MAPK6: variants seen among roughly 807,000 people sequenced by gnomAD.
The protein encoded by MAPK6 is ERK-3.
A neutral mutation model predicts 59.3 loss-of-function variants in MAPK6; 19 were observed. That is an observed-to-expected ratio of 0.32 (90% CI 0.22 to 0.47). The LOEUF (loss-of-function observed/expected upper bound fraction) is 0.47, where lower values mean the gene tolerates loss of function less well. MAPK6 is among the 20% of genes least tolerant of loss of function. MAPK6 has a pLI of 1.00. For missense variants in MAPK6, 724 were observed against 847.9 expected (o/e 0.85, Z 1.81); for synonymous variants, 316 against 290.3 (o/e 1.09, Z -0.90).
intron 3 of MAPK6, among the ~76,000 whole-genome samples, chr15:52,051,925 G>A (rs1344761229): frequency 1.3e-5 from 2 of 151,950 alleles, no homozygotes; most frequent in Non-Finnish European, 1.5e-5. Flanking sequence ...ATTGGAATTC[G>A]GAGGGATTCC....
intron 2 of MAPK6, among the ~76,000 whole-genome samples, chr15:51,991,148 T>TACACACACACAC (rs933912695): frequency 1.2e-4 from 17 of 140,638 alleles, no homozygotes; most frequent in Admixed American, 5.1e-4. Context: ...TATATATATA[T>TACACACACACAC]ACACACACAC....
intron 1 of MAPK6, among the ~76,000 whole-genome samples, chr15:52,032,194 T>A (rs2031064740): frequency 7.0e-6 from 1 of 143,612 alleles, no homozygotes; most frequent in South Asian, 2.3e-4. Flanking sequence ...TAATTTTTTT[T>A]TTTTTTTTTT....
chr15:52,010,514 CTT>C (rs762352581), intron 3 of MAPK6, among the ~76,000 whole-genome samples: 11 of 91,862 alleles, frequency 1.2e-4, no homozygotes, highest in African/African-American at 2.6e-4. Context: ...TGCACCCAGC[CTT>C]TTTTTTTTTT....
Position 52,063,670 on chromosome 15 carries a change from T to C in MAPK6, c.1068-232T>C, listed in dbSNP as rs187018470. On this transcript the variant is annotated intron_variant, in intron 5 of 5. Coordinates refer to ENST00000261845, the MANE Select transcript of MAPK6 (RefSeq NM_002748.4). ...AAGTCTTTTGTTTGCATGGAACTGG[T>C]GGACAAAAAACAAATTGGAAATGAA... Among the ~76,000 whole-genome samples, 468 of 152,228 alleles carry C rather than the reference T, an allele frequency of 3.1e-3. 1 individual carries two copies. The highest frequency in any genetic ancestry group is 4.1e-3 in the Non-Finnish European group (282 of 68,000).
At chr15:52,059,399 A>G (rs28510183) in intron 4 of MAPK6, among the ~76,000 whole-genome samples, 12,966 of 152,238 alleles carry the variant, frequency 0.085, 1,457 homozygotes, top group East Asian at 0.31. Context: ...CAGTGGTAGT[A>G]TTACAGGTGT....
At position 51,992,595 on chromosome 15, in the gene MAPK6, C is replaced by T. The variant is rs376012524; in HGVS notation, c.-770+9280C>T. On this transcript the variant is annotated intron_variant, in intron 2 of 7. Coordinates refer to the MAPK6 transcript ENST00000691380. ...CTGGGATTACAAGCGTGAGCCACCA[C>T]GCACAGCCAAGCCGTCCCCCATTTT... Among the ~76,000 whole-genome samples, 240 of 152,162 alleles carry T rather than the reference C, an allele frequency of 1.6e-3. 6 individuals are homozygous for T. The highest frequency in any genetic ancestry group is 4.8e-3 in the African/African-American group (198 of 41,508).
intron 4 of MAPK6, among the ~76,000 whole-genome samples, chr15:52,060,353 C>T (rs924661548): frequency 6.6e-6 from 1 of 152,100 alleles, no homozygotes. Flanking sequence ...GTGTGAGTGA[C>T]CATAGTGAAG....
In MAPK6 at chr15:52,058,801, T is replaced by C. The variant is rs762350125; in HGVS notation, c.865+4T>C. ...CTTCCAGGAATTAGTCGAGAAGGTA[T>C]TGTGACTCGAGAGTAACCCTCACGT... On this transcript the variant is annotated splice_donor_region_variant and intron_variant, in intron 4 of 5. Transcript: ENST00000261845. 1 of 1,607,424 alleles carries C rather than the reference T, an allele frequency of 6.2e-7. No homozygotes were observed. Among genetic ancestry groups the C allele is most frequent in the South Asian group, 1.1e-5 (1 of 90,076 alleles).
chr15:51,984,016 G>A (rs1181583860), intron 2 of MAPK6, among the ~76,000 whole-genome samples: 1 of 150,474 alleles, frequency 6.6e-6, no homozygotes, highest in Admixed American at 6.6e-5. Flanking sequence ...TCTAGAAATT[G>A]ATGTTAAGAA....
chr15:51,972,386 G>A (rs957825825), intron 1 of MAPK6, among the ~76,000 whole-genome samples: 4 of 151,996 alleles, frequency 2.6e-5, no homozygotes, highest in Non-Finnish European at 4.4e-5. Context: ...CAATCCGCCC[G>A]CCTCGGCCTC....
upstream of MAPK6, chr15:52,017,086 G>C (rs939121448): frequency 1.3e-5 from 2 of 154,926 alleles, no homozygotes; most frequent in Non-Finnish European, 2.8e-5. Context: ...ACAAAAACCA[G>C]ATCCCCCAAA....
intron 1 of MAPK6, among the ~76,000 whole-genome samples, chr15:52,045,393 T>G (rs16964705): frequency 0.023 from 3,482 of 152,350 alleles, 89 homozygotes; most frequent in East Asian, 0.076. Flanking sequence ...AGATTTTTGT[T>G]CATTGGATAT....
In MAPK6 at chr15:52,039,988, T is replaced by G. The variant is rs188256766; in HGVS notation, c.-631-5842T>G. Among the ~76,000 whole-genome samples, 95 of 152,284 alleles carry G rather than the reference T, an allele frequency of 6.2e-4. 1 individual carries two copies. The South Asian group carries it at 8.1e-3, about 13-fold the overall frequency. Reference sequence around the variant, plus strand: ...CCTAAGATTATTTGTTGTTAATAGTTTATACTCCCAGCCTCCTTGATGTCC... The same window carrying G: ...CCTAAGATTATTTGTTGTTAATAGTGTATACTCCCAGCCTCCTTGATGTCC... On this transcript the variant is annotated intron_variant, in intron 1 of 5. Coordinates refer to ENST00000261845, the MANE Select transcript of MAPK6 (RefSeq NM_002748.4).
intron 2 of MAPK6, among the ~76,000 whole-genome samples, chr15:51,986,323 A>C (rs1350522427): frequency 6.6e-6 from 1 of 152,204 alleles, no homozygotes; most frequent in East Asian, 1.9e-4. Context: ...GGGTGGGGAC[A>C]CAGAACCAAA....
At chr15:52,050,181 T>C in intron 3 of MAPK6, 44 bp downstream of exon 3, 1 of 1,542,474 alleles carries the variant, frequency 6.5e-7, no homozygotes, top group Non-Finnish European at 8.8e-7. Flanking sequence ...AGAGAAGTAA[T>C]TTTGCATTTT....
chr15:52,066,280 C>T lies in MAPK6; in HGVS notation c.*1280C>T, dbSNP rs1325540789. The T allele has an allele frequency of 6.6e-6, 1 of 152,154 alleles. No individual in the cohort carries two copies. The highest frequency in any genetic ancestry group is 1.9e-4 in the East Asian group (1 of 5,200). The allele number at this position is 152,154 out of a possible 1,614,324, so 9.4% of individuals were successfully genotyped here. A position where few individuals can be genotyped will look rare whatever the true frequency, so the allele number is the denominator to read the frequency against. On this transcript the variant is annotated 3_prime_UTR_variant, in exon 6 of 6. Coordinates refer to ENST00000261845, the MANE Select transcript of MAPK6 (RefSeq NM_002748.4). Reference sequence around the variant, plus strand: ...CAGCAAATACAGCTCCTGTTTCACTCTTGGGTTAATGAAAATTTTCTGCTA... The same window carrying T: ...CAGCAAATACAGCTCCTGTTTCACTTTTGGGTTAATGAAAATTTTCTGCTA...
intron 2 of MAPK6, among the ~76,000 whole-genome samples, chr15:51,988,337 A>G (rs1303035754): frequency 6.6e-6 from 1 of 152,152 alleles, no homozygotes; most frequent in Admixed American, 6.6e-5. Context: ...GAGAGGAGAA[A>G]AAGAAAAGAT....
chr15:51,994,761 TTC>T (rs2057219939), intron 2 of MAPK6, among the ~76,000 whole-genome samples: 1 of 152,242 alleles, frequency 6.6e-6, no homozygotes, highest in African/African-American at 2.4e-5. Context: ...ACAGCGTTGA[TTC>T]TCTGATTGTT....
At chr15:52,011,969 G>T (rs1163200385) in intron 3 of MAPK6, among the ~76,000 whole-genome samples, 2 of 152,132 alleles carry the variant, frequency 1.3e-5, no homozygotes, top group Non-Finnish European at 2.9e-5. Flanking sequence ...GTTCCTTTTA[G>T]ACCCTCCTTG....
Sources: allele counts gnomAD v4.1 joint callset (sites outside exome capture counted in the v4.1 genomes callset), GRCh38; gene constraint gnomAD v4.1.1; transcripts MANE v1.5; gene names NCBI Gene and HGNC (gene_info 2026-07-23, HGNC 2026-07-21).